Variants in PITPNM3 observed in about 807,000 individuals in gnomAD.
The protein encoded by PITPNM3 is PITPNM family member 3.
Under a neutral mutation model 102.0 loss-of-function variants are expected in PITPNM3, and 26 were observed. That is an observed-to-expected ratio of 0.25 (90% CI 0.19 to 0.35). The LOEUF (loss-of-function observed/expected upper bound fraction) is 0.35. Ranked by LOEUF, PITPNM3 falls within the 10% of genes least tolerant of loss-of-function variation. PITPNM3 has a pLI of 1.00. For synonymous variants in PITPNM3, 578 were observed against 558.6 expected, an observed-to-expected ratio of 1.03 and a Z score of -0.49; for missense variants, 1,083 against 1,346.1, an observed-to-expected ratio of 0.80 and a Z score of 3.06.
At chr17:6,527,183 C>T (rs529655087) in intron 2 of PITPNM3, among the ~76,000 whole-genome samples, 4 of 152,334 alleles carry the variant, frequency 2.6e-5, no homozygotes, top group East Asian at 1.9e-4. Context: ...TTTGAAAATA[C>T]GACGCAAGTC....
At position 6,483,723 on chromosome 17, in the gene PITPNM3, T is replaced by G; in HGVS notation, c.381A>C (p.Thr127=). ...CATGCAGGACCAGCAGGAGGACATG[T>G]GTCTTGCAGGAGCGCTGCGGGCAGC... is the stretch of plus-strand genomic sequence containing the variant. ...EEGCPQRSCK[T]HVLLLVLHGG... The change falls in exon 6 of 20, where the codon ACA becomes ACC. Residue 127 remains threonine (T), a synonymous_variant. Coordinates refer to ENST00000262483, the MANE Select transcript of PITPNM3 (RefSeq NM_031220.4). 3.1e-6 allele frequency: 5 copies of G among 1,613,802 alleles called. No individual in the cohort carries two copies. The highest frequency in any genetic ancestry group is 3.4e-6 in the Non-Finnish European group (4 of 1,180,000).
chr17:6,531,314 A>C (rs1387698653), intron 2 of PITPNM3, among the ~76,000 whole-genome samples: 1 of 152,254 alleles, frequency 6.6e-6, no homozygotes, highest in African/African-American at 2.4e-5. Flanking sequence ...CAGTGACTGC[A>C]CTAGCCCCAA....
intron 2 of PITPNM3, among the ~76,000 whole-genome samples, chr17:6,534,898 G>A (rs940814468): frequency 1.3e-5 from 2 of 152,132 alleles, no homozygotes; most frequent in Non-Finnish European, 2.9e-5. Context: ...CCATACCCAG[G>A]GCAGCACGAA....
At position 6,526,062 on chromosome 17, in the gene PITPNM3, C is replaced by T. The variant is rs1042908296; in HGVS notation, c.119-599G>A. ...AGTAACTGGAGGAGAAGAAACCTTC[C>T]GGTTCTAAGGAAGCTTTGACTTGTA... On this transcript the variant is annotated intron_variant, in intron 2 of 19. Coordinates refer to ENST00000262483, the MANE Select transcript of PITPNM3 (RefSeq NM_031220.4). Among the ~76,000 whole-genome samples the T allele has an allele frequency of 3.3e-4, 50 of 152,292 alleles. 2 individuals carry two copies. Among genetic ancestry groups the T allele is most frequent in the African/African-American group, 1.1e-3 (46 of 41,560 alleles).
intron 4 of PITPNM3, among the ~76,000 whole-genome samples, chr17:6,489,880 T>TGCCCATG (rs1197850996): frequency 6.6e-6 from 1 of 152,000 alleles, no homozygotes; most frequent in Non-Finnish European, 1.5e-5. Flanking sequence ...GGTGCGCACC[T>TGCCCATG]GTAATCCCAG....
chr17:6,461,269 C>T (rs142568027), intron 18 of PITPNM3, 104 bp downstream of exon 18: 13 of 1,362,410 alleles, frequency 9.5e-6, no homozygotes, highest in Non-Finnish European at 1.2e-5. Flanking sequence ...GATTTACAGA[C>T]TGCACATCAC....
chr17:6,543,553 T>G (rs570248540), intron 1 of PITPNM3, among the ~76,000 whole-genome samples: 3 of 152,218 alleles, frequency 2.0e-5, no homozygotes, highest in African/African-American at 7.2e-5. Context: ...AACAAAGGTA[T>G]TGGCCGATGC....
chr17:6,528,545 G>T (rs956432038), intron 2 of PITPNM3, among the ~76,000 whole-genome samples: 1 of 152,058 alleles, frequency 6.6e-6, no homozygotes, highest in African/African-American at 2.4e-5. Context: ...GCAAGTGAGT[G>T]TGTACATGCA....
At chr17:6,500,720 G>A (rs889407721) in intron 4 of PITPNM3, among the ~76,000 whole-genome samples, 3 of 151,600 alleles carry the variant, frequency 2.0e-5, no homozygotes, top group African/African-American at 7.3e-5. Flanking sequence ...CTGTTGCCCA[G>A]GCTGGAGTGC....
chr17:6,534,378 A>G (rs34252341), intron 2 of PITPNM3, among the ~76,000 whole-genome samples: 55,425 of 151,948 alleles, frequency 0.36, 10,396 homozygotes, highest in African/African-American at 0.45. Context: ...TGCCTTCCAT[A>G]CAGAACCAGA....
rs1272411810 is a variant in PITPNM3 at position 6,545,984 on chromosome 17, C to T, written c.23-7902G>A. On this transcript the variant is annotated intron_variant, in intron 1 of 19. Coordinates refer to ENST00000262483, the MANE Select transcript of PITPNM3 (RefSeq NM_031220.4). ...GGGAGATCTTAGCAAGGCCCCCTCT[C>T]AGGGGAGCATCCCCGAGGGAATGTC... 4.6e-5 allele frequency among the ~76,000 whole-genome samples: 7 copies of T among 152,328 alleles called. No individual in the cohort carries two copies. The East Asian group carries it at 1.4e-3, about 29-fold the overall frequency.
Position 6,472,810 on chromosome 17 carries a change from C to T in PITPNM3, c.1276G>A (p.Ala426Thr), listed in dbSNP as rs1238774381. ...PGLDGFQVRP[A>T]CSQVYSFFHC... Reference sequence around the variant, plus strand: ...AAGAAGCTGTAGACCTGGCTGCAGGCAGGACGCACCTGGAAGCCTGGGGTG... The same window carrying T: ...AAGAAGCTGTAGACCTGGCTGCAGGTAGGACGCACCTGGAAGCCTGGGGTG... Residue 426 changes from alanine to threonine, a missense_variant, in exon 11 of 20, where the codon GCC (alanine) becomes ACC (threonine). Ala to Thr is a moderately conservative substitution (Grantham distance 58). Around this residue, in one of 5 missense-constraint regions of PITPNM3, gnomAD observed 410 missense variants for 638.4 expected, o/e 0.64. Transcript: ENST00000262483. This position sits in a 1 kb window ranked among gnomAD's most constrained non-coding sequence, Gnocchi z 4.1. 6 of 1,613,982 alleles carry T rather than the reference C, an allele frequency of 3.7e-6. No homozygotes were observed. In the East Asian group the frequency reaches 6.7e-5, roughly 18 times the overall value.
At chr17:6,481,849 ATGATAGAG>A (rs1905705312) in intron 6 of PITPNM3, 1 of 99,062 alleles carries the variant, frequency 1.0e-5, no homozygotes, top group African/African-American at 3.9e-5. Flanking sequence ...ACAGAATAGA[ATGATAGAG>A]AGAGAGAGAG....
chr17:6,536,833 A>C (rs1909461081), intron 2 of PITPNM3, among the ~76,000 whole-genome samples: 1 of 152,136 alleles, frequency 6.6e-6, no homozygotes. Flanking sequence ...CAACACCCTA[A>C]ATATGGTGAC....
chr17:6,482,023 TC>T, intron 6 of PITPNM3, among the ~76,000 whole-genome samples: 1 of 112,328 alleles, frequency 8.9e-6, no homozygotes, highest in Non-Finnish European at 1.8e-5. Context: ...TCTCTCTCTC[TC>T]TCTCTCTCTC....
At chr17:6,505,193 A>ATATATATATATAT (rs1198801942) in intron 3 of PITPNM3, among the ~76,000 whole-genome samples, 14 of 72,272 alleles carry the variant, frequency 1.9e-4, no homozygotes, top group African/African-American at 6.3e-4. Context: ...GAAGACAAAT[A>ATATATATATATAT]AAATATATAT....
At chr17:6,466,991 G>A (rs1904806642) in intron 14 of PITPNM3, among the ~76,000 whole-genome samples, 1 of 149,456 alleles carries the variant, frequency 6.7e-6, no homozygotes, top group East Asian at 2.0e-4. Context: ...TTGAACCAGG[G>A]AGGGGAGGTT....
chr17:6,509,579 C>G (rs1907746437), intron 3 of PITPNM3, among the ~76,000 whole-genome samples: 1 of 152,172 alleles, frequency 6.6e-6, no homozygotes, highest in Non-Finnish European at 1.5e-5. Context: ...TGGCTTTGCT[C>G]ATGAAGCCTG....
chr17:6,549,588 G>A (rs1254271463), intron 1 of PITPNM3, among the ~76,000 whole-genome samples: 2 of 152,210 alleles, frequency 1.3e-5, no homozygotes, highest in African/African-American at 2.4e-5. Context: ...ACAGGCACAC[G>A]TGGGACCCTG....
Sources: gnomAD v4.1 joint callset for allele counts (sites outside exome capture counted in the v4.1 genomes callset) on GRCh38, gnomAD v4.1.1 for gene constraint, gnomAD v4.1.1 regional missense constraint, Gnocchi (gnomAD v3.1) non-coding constraint, MANE v1.5 for transcripts, NCBI Gene and HGNC (gene_info 2026-07-23, HGNC 2026-07-21) for gene names.